HELQ: variants seen among roughly 807,000 people sequenced by gnomAD.
HELQ encodes helicase POLQ-like.
Under a neutral mutation model 111.6 loss-of-function variants are expected in HELQ, and 77 were observed. The observed-to-expected ratio is 0.69, with a 90% confidence interval of 0.57 to 0.83. The LOEUF is 0.83. HELQ is among the 40% of genes least tolerant of loss of function. The pLI, the probability that HELQ is intolerant of heterozygous loss-of-function variation, is 0.00. For missense variants in HELQ, 1,200 were observed against 1,288.5 expected, an observed-to-expected ratio of 0.93 and a Z score of 1.05; for synonymous variants, 438 against 454.7, an observed-to-expected ratio of 0.96 and a Z score of 0.47.
At chr4:83,419,740 GCTT>G (rs1188656251) in intron 15 of HELQ, among the ~76,000 whole-genome samples, 3 of 151,946 alleles carry the variant, frequency 2.0e-5, no homozygotes, top group Non-Finnish European at 4.4e-5. Flanking sequence ...TTAAAGGCTA[GCTT>G]CTTCTTATTA....
intron 14 of HELQ, 95 bp from the exon 15 acceptor site, chr4:83,421,831 G>T: frequency 1.2e-6 from 1 of 848,872 alleles, no homozygotes; most frequent in Non-Finnish European, 1.9e-6. Flanking sequence ...TTGTATTACA[G>T]AATAGCAAGG....
chr4:83,446,919 G>A lies in HELQ; in HGVS notation c.1308C>T (p.Ala436=). ...CCAAGCTATGTCCTTTTTCAATAGT[G>A]GCAATATAGAGTGATTTCTTTTCCC... is the stretch of plus-strand genomic sequence containing the variant. ...KRREKKSLYI[A]TIEKGHSLVN... is the part of the protein sequence containing the mutation. The change falls in exon 4 of 18, where the codon GCC becomes GCT. Residue 436 remains alanine, a synonymous_variant. Coordinates refer to ENST00000295488, the MANE Select transcript of HELQ (RefSeq NM_133636.5). 4.3e-6 allele frequency: 7 copies of A among 1,611,638 alleles called. No homozygotes were observed. The highest frequency in any genetic ancestry group is 5.9e-6 in the Non-Finnish European group (7 of 1,177,764).
In HELQ at chr4:83,453,441, G is replaced by A. The variant is rs1466421316; in HGVS notation, c.802C>T (p.His268Tyr). 1 of 1,602,116 alleles carries A rather than the reference G, an allele frequency of 6.2e-7. No homozygotes were observed. Among genetic ancestry groups the A allele is most frequent in the South Asian group, 1.1e-5 (1 of 88,508 alleles). Residue 268 changes from histidine (H) to tyrosine (Y), a missense_variant, in exon 2 of 18, where the codon CAT (histidine) becomes TAT (tyrosine). Physicochemically the swap from His to Tyr is moderately conservative, Grantham distance 83 (BLOSUM62 2). Coordinates refer to ENST00000295488, the MANE Select transcript of HELQ (RefSeq NM_133636.5). The part of the protein sequence containing the change: ...DMNRRKSIKD[H>Y]LKNAMTGNAK... The stretch of plus-strand genomic sequence containing the variant: ...TTTCCAGTCATGGCATTTTTTAGAT[G>A]ATCTTTAATACTTTTTCTCCTGTTC...
intron 6 of HELQ, among the ~76,000 whole-genome samples, chr4:83,442,260 A>ATTTTTTTTTTT (rs70949710): frequency 2.4e-5 from 2 of 82,080 alleles, no homozygotes; most frequent in African/African-American, 5.1e-5. Flanking sequence ...AAAAACATCA[A>ATTTTTTTTTTT]TTTTTTTTTT....
Position 83,455,762 on chromosome 4 carries a change from A to C in HELQ, c.-69T>G, listed in dbSNP as rs1026078139. 2 of 1,449,242 alleles carry C rather than the reference A, an allele frequency of 1.4e-6. No individual in the cohort carries two copies. Among genetic ancestry groups the C allele is most frequent in the East Asian group, 2.3e-5 (1 of 43,892 alleles). 89.8% of individuals were successfully genotyped at this position (1,449,242 alleles called of 1,614,324 possible). A position where few individuals can be genotyped will look rare whatever the true frequency, so the allele number is the denominator to read the frequency against. On this transcript the variant is annotated 5_prime_UTR_variant, in exon 1 of 18. Coordinates refer to ENST00000295488, the MANE Select transcript of HELQ (RefSeq NM_133636.5). ...CAGACGCTAAGCCCATATGGAAGGG[A>C]GAGTGGGACGCCGGAGCCCGCTTCT... is the stretch of plus-strand genomic sequence containing the variant.
chr4:83,434,134 G>A (rs995225494), intron 9 of HELQ, among the ~76,000 whole-genome samples: 4 of 151,962 alleles, frequency 2.6e-5, no homozygotes, highest in African/African-American at 9.7e-5. Context: ...ACTTCGGGAG[G>A]CCACGGTGGG....
intron 9 of HELQ, among the ~76,000 whole-genome samples, chr4:83,434,300 G>A (rs1465875024): frequency 6.6e-6 from 1 of 152,122 alleles, no homozygotes. Context: ...GAACCCAGGA[G>A]ACAGAGGTTG....
chr4:83,418,091 A>G lies in HELQ; in HGVS notation c.3063+2T>C. 2 of 1,494,702 alleles carry G rather than the reference A, an allele frequency of 1.3e-6. No homozygotes were observed. The highest frequency in any genetic ancestry group is 1.8e-6 in the Non-Finnish European group (2 of 1,084,822). 92.6% of individuals were successfully genotyped at this position (1,494,702 alleles called of 1,614,324 possible). A position where few individuals can be genotyped will look rare whatever the true frequency, so the allele number is the denominator to read the frequency against. ...CAATTGGGAAACCAACAAGCTACTG[A>G]CCTCTAAAACTCCAGTAACTTCCAT... On this transcript the variant is annotated splice_donor_variant, in intron 16 of 17. Transcript: ENST00000295488. LOFTEE classifies it high-confidence loss of function.
intron 13 of HELQ, 83 bp downstream of exon 13, chr4:83,427,480 C>G: frequency 8.5e-7 from 1 of 1,172,834 alleles, no homozygotes; most frequent in Non-Finnish European, 1.2e-6. Context: ...CATGGCAAAG[C>G]CTCATCTCTA....
intron 8 of HELQ, among the ~76,000 whole-genome samples, chr4:83,437,397 G>A (rs936127019): frequency 5.9e-5 from 9 of 152,032 alleles, no homozygotes; most frequent in African/African-American, 1.9e-4. Context: ...AGGATTGCTT[G>A]AGCCCAAGAG....
chr4:83,445,680 C>A, intron 5 of HELQ, among the ~76,000 whole-genome samples: 1 of 152,316 alleles, frequency 6.6e-6, no homozygotes, highest in East Asian at 1.9e-4. Context: ...CTAAGCACTG[C>A]TGAATGCAAT....
At chr4:83,431,273 A>C (rs534718297) in intron 11 of HELQ, among the ~76,000 whole-genome samples, 151 of 152,144 alleles carry the variant, frequency 9.9e-4, no homozygotes, top group Non-Finnish European at 1.7e-3. Context: ...AGCCAATTTC[A>C]TTAATTCAAG....
At chr4:83,409,553 CAA>C (rs34988490) in intron 17 of HELQ, among the ~76,000 whole-genome samples, 6 of 143,542 alleles carry the variant, frequency 4.2e-5, no homozygotes, top group South Asian at 2.2e-4. Flanking sequence ...TACTCTGTCT[CAA>C]AAAAAAAAAG....
intron 15 of HELQ, among the ~76,000 whole-genome samples, chr4:83,418,865 G>C (rs1739499974): frequency 6.6e-6 from 1 of 152,080 alleles, no homozygotes; most frequent in Admixed American, 6.6e-5. Context: ...AGAAAACCTT[G>C]AACAGAACTA....
intron 2 of HELQ, among the ~76,000 whole-genome samples, chr4:83,451,908 G>T (rs1435445408): frequency 6.6e-6 from 1 of 152,160 alleles, no homozygotes; most frequent in Non-Finnish European, 1.5e-5. Flanking sequence ...CTGTAGTTCT[G>T]CTTCTCCAAC....
At chr4:83,449,239 C>G (rs546835767) in intron 2 of HELQ, among the ~76,000 whole-genome samples, 4 of 152,152 alleles carry the variant, frequency 2.6e-5, no homozygotes, top group Non-Finnish European at 5.9e-5. Flanking sequence ...GTAGCAGCCT[C>G]GTGGACAAGG....
rs778662099 is a variant in HELQ, at chr4:83,436,886, C to T, written c.2020G>A (p.Ala674Thr). ...LCLFTCTSTL[A>T]AGVNLPARRV... Reference sequence around the variant, plus strand: ...CGAGCTGGTAGGTTGACACCTGCCGCTAGGGTAGATGTGCAGGTAAAAAGA... The same window carrying T: ...CGAGCTGGTAGGTTGACACCTGCCGTTAGGGTAGATGTGCAGGTAAAAAGA... Residue 674 changes from alanine (A) to threonine (T), a missense_variant, in exon 9 of 18, where the codon GCG becomes ACG. Ala to Thr is a moderately conservative substitution (Grantham distance 58, BLOSUM62 0). This residue lies in a region of HELQ where 585 missense variants were observed against 665.3 expected (regional missense o/e 0.88). Coordinates refer to ENST00000295488, the MANE Select transcript of HELQ (RefSeq NM_133636.5). 3.1e-6 allele frequency: 5 copies of T among 1,613,916 alleles called. No homozygotes were observed. The highest frequency in any genetic ancestry group is 1.7e-5 in the Admixed American group (1 of 59,988).
At chr4:83,454,724 G>T (rs1262350947) in intron 1 of HELQ, among the ~76,000 whole-genome samples, 1 of 152,002 alleles carries the variant, frequency 6.6e-6, no homozygotes, top group Admixed American at 6.6e-5. Flanking sequence ...ACTGCACACG[G>T]CCAGATTGTA....
In HELQ at chr4:83,450,664, C is replaced by CAA. The variant is rs11353264; in HGVS notation, c.1013-1705_1013-1704dup. Among the ~76,000 whole-genome samples, 23 of 120,116 alleles carry CAA rather than the reference C, an allele frequency of 1.9e-4. 1 individual carries two copies. The highest frequency in any genetic ancestry group is 5.3e-4 in the Admixed American group (6 of 11,346). 78.8% of individuals were successfully genotyped at this position (120,116 alleles called of 152,430 possible). Reference sequence around the variant, plus strand: ...ATATTTATGAATACAATCTTCACATCAAAAAAAAAAAAAAAAACTAGCCGG... The same window carrying CAA: ...ATATTTATGAATACAATCTTCACATCAAAAAAAAAAAAAAAAAAACTAGCCGG... On this transcript the variant is annotated intron_variant, in intron 2 of 17. Coordinates refer to ENST00000295488, the MANE Select transcript of HELQ (RefSeq NM_133636.5).
Sources: gnomAD v4.1 joint callset for allele counts (sites outside exome capture counted in the v4.1 genomes callset) on GRCh38, gnomAD v4.1.1 for gene constraint, gnomAD v4.1.1 regional missense constraint, MANE v1.5 for transcripts, NCBI Gene and HGNC (gene_info 2026-07-23, HGNC 2026-07-21) for gene names.